The following CCDC191 variants were observed in gnomAD, a reference collection of about 807,000 sequenced individuals.
CCDC191 encodes coiled-coil domain-containing protein 191.
Under a neutral mutation model 114.0 loss-of-function variants are expected in CCDC191, and 99 were observed. That is an observed-to-expected ratio of 0.87 (90% confidence interval 0.74 to 1.03). CCDC191 has a LOEUF of 1.03. Ranked by LOEUF, CCDC191 falls within the 50% of genes least tolerant of loss-of-function variation. The pLI is 0.00. For synonymous variants in CCDC191, 351 were observed against 376.0 expected (o/e 0.93, Z 0.77); for missense variants, 973 against 1,087.0 (o/e 0.90, Z 1.47).
intron 7 of CCDC191, among the ~76,000 whole-genome samples, chr3:114,023,466 C>T (rs1364079431): frequency 6.6e-6 from 1 of 152,172 alleles, no homozygotes; most frequent in Non-Finnish European, 1.5e-5. Flanking sequence ...TACTACAAGG[C>T]TACAGTAACC....
chr3:113,969,379 T>C (rs2087161), intron 16 of CCDC191, among the ~76,000 whole-genome samples: 78,779 of 152,014 alleles, frequency 0.52, 20,552 homozygotes, highest in Middle Eastern at 0.62. Flanking sequence ...TATTTTTGCT[T>C]TGGTTGTCTG....
chr3:114,053,570 T>C (rs1313563110), intron 2 of CCDC191, 27 bp downstream of exon 2: 3 of 1,452,666 alleles, frequency 2.1e-6, no homozygotes, highest in Non-Finnish European at 2.9e-6. Context: ...TAATACTCTT[T>C]TTATTCTAAA....
At position 114,018,947 on chromosome 3, in the gene CCDC191, A is replaced by G. The variant is rs560928079; in HGVS notation, c.973-79T>C. 2.1e-5 allele frequency: 27 copies of G among 1,299,314 alleles called. 1 individual carries two copies. The East Asian group carries it at 3.3e-4, about 16-fold the overall frequency. The allele number at this position is 1,299,314 out of a possible 1,614,324, so 80.5% of individuals were successfully genotyped here. A position where few individuals can be genotyped will look rare whatever the true frequency, so the allele number is the denominator to read the frequency against. ...ATCTAACACTGACAGCCCTCTCCTC[A>G]GATTTTCCCCTCACACTTTTAAAAA... On this transcript the variant is annotated intron_variant, in intron 7 of 16. Coordinates refer to ENST00000295878, the MANE Select transcript of CCDC191 (RefSeq NM_020817.2).
chr3:113,999,223 A>G (rs1403935934), intron 13 of CCDC191, among the ~76,000 whole-genome samples: 1 of 152,172 alleles, frequency 6.6e-6, no homozygotes, highest in African/African-American at 2.4e-5. Context: ...TCCTGTTCCC[A>G]TGACTTTATG....
chr3:113,983,415 C>A (rs1396555795), intron 13 of CCDC191, among the ~76,000 whole-genome samples: 1 of 152,128 alleles, frequency 6.6e-6, no homozygotes, highest in Admixed American at 6.5e-5. Flanking sequence ...GGCTTATATA[C>A]CCAAGCACAT....
chr3:114,056,307 G>C, intron 1 of CCDC191, 70 bp downstream of exon 1: 3 of 1,469,054 alleles, frequency 2.0e-6, no homozygotes, highest in Middle Eastern at 1.7e-4. Flanking sequence ...CAGACGGGCC[G>C]CGACTGGCTT....
chr3:114,002,549 G>C lies in CCDC191; in HGVS notation c.1979-11C>G. The stretch of plus-strand genomic sequence containing the variant: ...CTCTCTCTTCCATAGCTAGAAAATA[G>C]TAACAGAGTTCTAATATTTTTTATA... On this transcript the variant is annotated splice_polypyrimidine_tract_variant and intron_variant, in intron 11 of 16. Coordinates refer to ENST00000295878, the MANE Select transcript of CCDC191 (RefSeq NM_020817.2). 6.3e-7 allele frequency: 1 copy of C among 1,589,896 alleles called. No homozygotes were observed. The highest frequency in any genetic ancestry group is 8.6e-7 in the Non-Finnish European group (1 of 1,164,498).
At chr3:114,056,028 AGAG>A (rs1559940544) in intron 1 of CCDC191, among the ~76,000 whole-genome samples, 1 of 149,732 alleles carries the variant, frequency 6.7e-6, no homozygotes, top group Non-Finnish European at 1.5e-5. Context: ...AAAAAAAAAA[AGAG>A]AGAGAAAAAG....
At chr3:113,981,607 A>G (rs1331739395) in intron 13 of CCDC191, among the ~76,000 whole-genome samples, 3 of 152,134 alleles carry the variant, frequency 2.0e-5, no homozygotes, top group Non-Finnish European at 2.9e-5. Flanking sequence ...TAAATACAAA[A>G]ACATTTAATT....
In CCDC191 at chr3:114,056,384, C is replaced by G. The variant is rs745846314; in HGVS notation, c.83G>C (p.Ser28Thr). 6.2e-6 allele frequency: 10 copies of G among 1,614,140 alleles called. No individual in the cohort carries two copies. In the Middle Eastern group the frequency reaches 4.9e-4, roughly 80 times the overall value. The change falls in exon 1 of 17, where the codon AGT becomes ACT. Residue 28 changes from serine to threonine, a missense_variant. Physicochemically the swap from Ser to Thr is moderately conservative, Grantham distance 58 (BLOSUM62 1). Transcript: ENST00000295878. ...NRWKRFTRKPSPKPTFGPDSV... is the reference protein window; with the variant it reads ...NRWKRFTRKPTPKPTFGPDSV... ...GCTCTCGATTGGGATCACCTTGGGA[C>G]TCGGCTTCCTTGTGAACCGTTTCCA...
intron 1 of CCDC191, 57 bp from the exon 2 acceptor site, chr3:114,053,692 A>G: frequency 8.5e-7 from 1 of 1,177,708 alleles, no homozygotes; most frequent in Admixed American, 2.0e-5. Context: ...CAACTTTGCC[A>G]TTTAAATCTA....
At position 113,973,550 on chromosome 3, in the gene CCDC191, A is replaced by G. The variant is rs563984317; in HGVS notation, c.2606+4636T>C. On this transcript the variant is annotated intron_variant, in intron 16 of 16. Transcript: ENST00000295878. ...CTGAGAAAAACTTTCTCTATCCTTC[A>G]TATTTGAAAGATGGCTTTGCTGGAT... Among the ~76,000 whole-genome samples, 148 of 149,248 alleles carry G rather than the reference A, an allele frequency of 9.9e-4. 2 individuals carry two copies. Among genetic ancestry groups the G allele is most frequent in the African/African-American group, 3.5e-3 (141 of 40,852 alleles).
chr3:114,001,720 A>T, intron 12 of CCDC191, 24 bp from the exon 13 acceptor site: 1 of 1,612,374 alleles, frequency 6.2e-7, no homozygotes, highest in Non-Finnish European at 8.5e-7. Flanking sequence ...GAACCCAGAA[A>T]TATCAGAACC....
Position 114,027,619 on chromosome 3 carries a change from A to AG in CCDC191, c.972+4006_972+4007insC, listed in dbSNP as rs1559919986. 4.0e-5 allele frequency among the ~76,000 whole-genome samples: 6 copies of AG among 148,398 alleles called. No individual in the cohort carries two copies. In the East Asian group the frequency reaches 1.2e-3, roughly 29 times the overall value. On this transcript the variant is annotated intron_variant, in intron 7 of 16. Transcript: ENST00000295878. ...TCTGTCTCAAAAAAAAAAAAAAAAAAAAAGAAAAAAAAATCCAGAATTAAA... is the reference window on the plus strand; with the variant it reads ...TCTGTCTCAAAAAAAAAAAAAAAAAAGAAAGAAAAAAAAATCCAGAATTAAA...
chr3:114,046,532 G>T, intron 3 of CCDC191, 59 bp downstream of exon 3: 2 of 1,028,026 alleles, frequency 1.9e-6, no homozygotes, highest in South Asian at 1.3e-5. Flanking sequence ...ACTTTGAAAT[G>T]CATCATGGGT....
intron 15 of CCDC191, 121 bp downstream of exon 15, chr3:113,978,737 T>TTGAC: frequency 9.8e-7 from 1 of 1,019,498 alleles, no homozygotes; most frequent in South Asian, 1.6e-5. Context: ...GTGAATGGGA[T>TTGAC]TGACTACTCT....
chr3:114,008,644 A>T (rs1358151250), intron 9 of CCDC191, among the ~76,000 whole-genome samples: 2 of 152,158 alleles, frequency 1.3e-5, no homozygotes, highest in Non-Finnish European at 2.9e-5. Flanking sequence ...CACCATAACT[A>T]AACCAAAAAG....
chr3:114,029,646 A>C (rs2076376397), intron 7 of CCDC191, among the ~76,000 whole-genome samples: 1 of 152,208 alleles, frequency 6.6e-6, no homozygotes, highest in African/African-American at 2.4e-5. Flanking sequence ...GCAACTCTAC[A>C]ATGGAGAAAC....
chr3:114,039,410 T>G (rs1335511980), intron 4 of CCDC191: 1 of 152,146 alleles, frequency 6.6e-6, no homozygotes, highest in Non-Finnish European at 1.5e-5. Context: ...CTAGGGAGGC[T>G]GAGGCTGGAG....
Sources: gnomAD v4.1 joint callset for allele counts (sites outside exome capture counted in the v4.1 genomes callset) on GRCh38, gnomAD v4.1.1 for gene constraint, MANE v1.5 for transcripts, NCBI Gene and HGNC (gene_info 2026-07-23, HGNC 2026-07-21) for gene names.